DPP10: variants seen among roughly 807,000 people sequenced by gnomAD.
DPP10 encodes dipeptidyl peptidase like 10, also known as inactive dipeptidyl peptidase 10.
In DPP10, 33 loss-of-function variants were observed where a neutral mutation model predicts 120.9. The ratio of observed to expected loss-of-function variants is 0.27; its 90% confidence interval spans 0.21 to 0.37. DPP10 has a LOEUF of 0.37. Ranked by LOEUF, DPP10 falls within the 10% of genes least tolerant of loss-of-function variation. DPP10 has a pLI of 1.00. For missense variants in DPP10, 816 were observed against 942.8 expected, an observed-to-expected ratio of 0.87 and a Z score of 1.76; for synonymous variants, 337 against 326.1, an observed-to-expected ratio of 1.03 and a Z score of -0.36.
intron 1 of DPP10, among the ~76,000 whole-genome samples, chr2:114,633,315 G>C (rs111681769): frequency 1.6e-5 from 2 of 128,790 alleles, no homozygotes; most frequent in African/African-American, 6.3e-5. Context: ...GCAGTGGCAC[G>C]ATCTCGGTTC....
chr2:115,707,494 A>G (rs1373321004), intron 7 of DPP10, among the ~76,000 whole-genome samples: 4 of 151,558 alleles, frequency 2.6e-5, no homozygotes, highest in Non-Finnish European at 5.9e-5. Flanking sequence ...GAATACGAAT[A>G]TATCTAATAA....
chr2:114,480,592 C>A (rs1197794463), intron 1 of DPP10, among the ~76,000 whole-genome samples: 1 of 151,044 alleles, frequency 6.6e-6, no homozygotes, highest in African/African-American at 2.4e-5. Context: ...TCATTCTCAG[C>A]AAACTATCGC....
rs1193090749 is a variant in DPP10 at position 115,152,712 on chromosome 2, T to C, written c.61-156527T>C. On this transcript the variant is annotated intron_variant, in intron 1 of 25. Coordinates refer to ENST00000410059, the MANE Select transcript of DPP10 (RefSeq NM_020868.6). ...GTAGTTTATCCTCAGTATGGGGTCC[T>C]GTTTTGGAAAGATGCCTGGAAGTTT... 6.6e-5 allele frequency among the ~76,000 whole-genome samples: 10 copies of C among 152,180 alleles called. No individual in the cohort carries two copies. In the South Asian group the frequency reaches 1.7e-3, roughly 25 times the overall value.
intron 1 of DPP10, among the ~76,000 whole-genome samples, chr2:114,862,318 A>C (rs563812823): frequency 6.6e-6 from 1 of 152,274 alleles, no homozygotes; most frequent in East Asian, 1.9e-4. Flanking sequence ...TACTCATATA[A>C]GATAAAAGAA....
At chr2:115,824,335 C>G (rs374865608) in intron 21 of DPP10, among the ~76,000 whole-genome samples, 1 of 152,154 alleles carries the variant, frequency 6.6e-6, no homozygotes, top group East Asian at 1.9e-4. Flanking sequence ...TTAAGTACCA[C>G]GGTACACGTG....
chr2:115,435,517 G>A (rs377601284), intron 3 of DPP10, among the ~76,000 whole-genome samples: 39 of 151,738 alleles, frequency 2.6e-4, no homozygotes, highest in African/African-American at 8.9e-4. Flanking sequence ...GTCTGTTCGG[G>A]TCCTTTGCCA....
chr2:114,947,923 C>G (rs1031384112), intron 1 of DPP10, among the ~76,000 whole-genome samples: 1 of 151,888 alleles, frequency 6.6e-6, no homozygotes, highest in Admixed American at 6.6e-5. Context: ...CCCTCCCCAC[C>G]TTATCTTTTT....
chr2:114,489,943 C>T (rs1406281916), intron 1 of DPP10, among the ~76,000 whole-genome samples: 1 of 152,118 alleles, frequency 6.6e-6, no homozygotes, highest in African/African-American at 2.4e-5. Context: ...AGAAATAATA[C>T]CTGTAAAACC....
chr2:115,327,101 A>G (rs954198267), intron 2 of DPP10, among the ~76,000 whole-genome samples: 3 of 151,994 alleles, frequency 2.0e-5, no homozygotes, highest in Admixed American at 6.6e-5. Flanking sequence ...TTTTAACTAT[A>G]TATTTTCTAT....
chr2:115,203,142 A>G (rs2055865455), intron 1 of DPP10, among the ~76,000 whole-genome samples: 1 of 152,196 alleles, frequency 6.6e-6, no homozygotes, highest in African/African-American at 2.4e-5. Context: ...AGACCTGCTT[A>G]CCAGCTTAAG....
chr2:114,826,255 G>C (rs989923100), intron 1 of DPP10, among the ~76,000 whole-genome samples: 1 of 152,086 alleles, frequency 6.6e-6, no homozygotes, highest in African/African-American at 2.4e-5. Context: ...TATATATAAT[G>C]GGAACAATTT....
At chr2:115,393,436 GTAGAC>G (rs983024573) in intron 3 of DPP10, among the ~76,000 whole-genome samples, 6 of 152,160 alleles carry the variant, frequency 3.9e-5, no homozygotes, top group Non-Finnish European at 7.4e-5. Flanking sequence ...TGTTTTAGTG[GTAGAC>G]TAGAAACTGA....
chr2:115,842,790 AATTCTTTC>A lies in DPP10; in HGVS notation c.*449_*456del, dbSNP rs1690282186. ...TTTACTGTACCTTTATAATAAGTGC[AATTCTTTC>A]ATTGTCTATTATTATGCTTAAGAAA... is the stretch of plus-strand genomic sequence containing the variant. On this transcript the variant is annotated 3_prime_UTR_variant, in exon 26 of 26. Transcript: ENST00000410059. The A allele has an allele frequency of 6.5e-6, 1 of 153,062 alleles. No homozygotes were observed. The highest frequency in any genetic ancestry group is 2.4e-5 in the African/African-American group (1 of 41,482). The allele number at this position is 153,062 out of a possible 1,614,324, so 9.5% of individuals were successfully genotyped here. A position where few individuals can be genotyped will look rare whatever the true frequency, so the allele number is the denominator to read the frequency against.
intron 5 of DPP10, among the ~76,000 whole-genome samples, chr2:115,541,232 TC>T (rs1453451899): frequency 6.6e-6 from 1 of 151,880 alleles, no homozygotes; most frequent in Non-Finnish European, 1.5e-5. Context: ...TGGGGCAACA[TC>T]CCATGCCCCA....
chr2:115,165,266 A>T (rs774400215), intron 1 of DPP10, among the ~76,000 whole-genome samples: 6 of 152,122 alleles, frequency 3.9e-5, no homozygotes, highest in Non-Finnish European at 8.8e-5. Flanking sequence ...TTTTATTCCT[A>T]TTTTAGAGAT....
chr2:115,325,728 C>A (rs1338350090), intron 2 of DPP10, among the ~76,000 whole-genome samples: 1 of 151,662 alleles, frequency 6.6e-6, no homozygotes, highest in East Asian at 1.9e-4. Flanking sequence ...TTTTTCAAAA[C>A]AAAAAAAGCA....
chr2:114,717,641 G>A (rs1293095165), intron 1 of DPP10, among the ~76,000 whole-genome samples: 1 of 152,096 alleles, frequency 6.6e-6, no homozygotes, highest in African/African-American at 2.4e-5. Flanking sequence ...TGTTGCTACA[G>A]AAAATAAAAA....
At chr2:114,579,237 A>G (rs1690296375) in intron 1 of DPP10, among the ~76,000 whole-genome samples, 1 of 152,202 alleles carries the variant, frequency 6.6e-6, no homozygotes, top group Non-Finnish European at 1.5e-5. Context: ...GACTTGACAT[A>G]TGCGCTGGGC....
intron 3 of DPP10, among the ~76,000 whole-genome samples, chr2:115,496,051 A>G (rs1271989381): frequency 3.3e-5 from 5 of 152,122 alleles, no homozygotes; most frequent in Admixed American, 6.6e-5. Context: ...TCCAGAATGA[A>G]GGATCACTAT....
Sources: allele counts gnomAD v4.1 joint callset (sites outside exome capture counted in the v4.1 genomes callset), GRCh38; gene constraint gnomAD v4.1.1; transcripts MANE v1.5; gene names NCBI Gene and HGNC (gene_info 2026-07-23, HGNC 2026-07-21).